Variants in KLRG1 observed in about 807,000 individuals in gnomAD.
The protein encoded by KLRG1 is killer cell lectin like receptor G1.
Under a neutral mutation model 21.8 loss-of-function variants are expected in KLRG1, and 16 were observed. That is an observed-to-expected ratio of 0.73 (90% confidence interval 0.50 to 1.11). The LOEUF (loss-of-function observed/expected upper bound fraction) is 1.11. Ranked by LOEUF, KLRG1 falls within the 50% of genes most tolerant of loss-of-function variation. The probability of loss-of-function intolerance (pLI) is 0.00; values close to 1 mark genes in which losing one functional copy is unlikely to be tolerated. For missense variants in KLRG1, 173 were observed against 218.3 expected, an observed-to-expected ratio of 0.79 and a Z score of 1.31; for synonymous variants, 69 against 75.9, an observed-to-expected ratio of 0.91 and a Z score of 0.47.
chr12:9,110,011 G>T, the KLRG1 span: 1 of 1,612,478 alleles, frequency 6.2e-7, no homozygotes, highest in Middle Eastern at 1.7e-4. Context: ...CTCTGCCATT[G>T]TGCGATGCGA....
intron 4 of KLRG1, 152 bp downstream of exon 4, chr12:9,009,227 T>TG: frequency 1.3e-6 from 1 of 776,798 alleles, no homozygotes; most frequent in East Asian, 2.9e-5. Context: ...GAATGAACAA[T>TG]GGGTAAGGGC....
At chr12:8,970,763 TATCAAATTGAGA>T (rs1162322394) in intron 1 of KLRG1, among the ~76,000 whole-genome samples, 5 of 152,232 alleles carry the variant, frequency 3.3e-5, no homozygotes, top group Admixed American at 6.5e-5. Flanking sequence ...TAGAAGCCAT[TATCAAATTGAGA>T]AAGTTTCCTT....
chr12:9,194,040 T>C, the KLRG1 span: 19 of 1,568,858 alleles, frequency 1.2e-5, no homozygotes, highest in Admixed American at 6.8e-5. Context: ...TTCCTAACAT[T>C]TCCTTTGTCC....
At chr12:9,017,850 T>C in the KLRG1 span, among the ~76,000 whole-genome samples, 1 of 152,226 alleles carries the variant, frequency 6.6e-6, no homozygotes, top group Non-Finnish European at 1.5e-5. Flanking sequence ...TGATGTGATA[T>C]TGTATTTGCA....
At chr12:8,996,023 C>T (rs7958295) in intron 3 of KLRG1, among the ~76,000 whole-genome samples, 240 of 152,192 alleles carry the variant, frequency 1.6e-3, no homozygotes, top group African/African-American at 5.1e-3. Context: ...ATAGAGATCA[C>T]GGGGACAGAG....
the KLRG1 span, among the ~76,000 whole-genome samples, chr12:9,078,369 T>C: frequency 6.6e-6 from 1 of 152,226 alleles, no homozygotes; most frequent in Non-Finnish European, 1.5e-5. Flanking sequence ...AGGACATGAT[T>C]TCATTTCTTT....
At chr12:9,030,094 T>C in the KLRG1 span, among the ~76,000 whole-genome samples, 1 of 152,148 alleles carries the variant, frequency 6.6e-6, no homozygotes, top group Non-Finnish European at 1.5e-5. Context: ...GTTTCACATT[T>C]TGATCTTTAA....
chr12:9,169,791 T>C, the KLRG1 span: 1 of 450,726 alleles, frequency 2.2e-6, no homozygotes, highest in Non-Finnish European at 3.7e-6. Flanking sequence ...CTTGGGAAAA[T>C]GCTTCCAAAG....
chr12:9,149,785 T>C, the KLRG1 span, among the ~76,000 whole-genome samples: 1 of 152,226 alleles, frequency 6.6e-6, no homozygotes, highest in East Asian at 1.9e-4. Context: ...TCCCTGAGAC[T>C]GGAGATGGGG....
chr12:9,186,289 G>A, the KLRG1 span, among the ~76,000 whole-genome samples: 315 of 152,232 alleles, frequency 2.1e-3, no homozygotes, highest in South Asian at 6.0e-3. Context: ...AGAATATTAC[G>A]AGCCACTACA....
the KLRG1 span, chr12:9,202,237 C>A: frequency 3.1e-6 from 4 of 1,279,834 alleles, no homozygotes; most frequent in Non-Finnish European, 4.5e-6. Context: ...CATCCTCTCG[C>A]TTTTCTTGTA....
At chr12:9,190,757 C>T in the KLRG1 span, among the ~76,000 whole-genome samples, 2 of 151,952 alleles carry the variant, frequency 1.3e-5, no homozygotes, top group Non-Finnish European at 2.9e-5. Context: ...TTTAAAATCT[C>T]AATTCTGAAA....
At chr12:8,975,626 C>T (rs947002169) in intron 1 of KLRG1, among the ~76,000 whole-genome samples, 4 of 151,790 alleles carry the variant, frequency 2.6e-5, no homozygotes, top group South Asian at 2.1e-4. Context: ...TGCAGTGGTG[C>T]GGCCATGGCT....
chr12:9,096,124 C>T, the KLRG1 span, among the ~76,000 whole-genome samples: 1,215 of 152,222 alleles, frequency 8.0e-3, 12 homozygotes, highest in African/African-American at 0.011. Flanking sequence ...TTTCTTTGAG[C>T]GCTCTCATTG....
At chr12:9,211,190 T>C in the KLRG1 span, among the ~76,000 whole-genome samples, 2 of 152,108 alleles carry the variant, frequency 1.3e-5, no homozygotes. Context: ...TAAATAAGCT[T>C]TCTGCTCATT....
the KLRG1 span, among the ~76,000 whole-genome samples, chr12:9,026,876 G>A: frequency 6.6e-6 from 1 of 151,760 alleles, no homozygotes; most frequent in Non-Finnish European, 1.5e-5. Flanking sequence ...GTATTTTAGA[G>A]ACAGGTGCTC....
chr12:9,183,107 A>T, the KLRG1 span, among the ~76,000 whole-genome samples: 4 of 152,186 alleles, frequency 2.6e-5, no homozygotes, highest in African/African-American at 7.2e-5. Context: ...AATTGATTTT[A>T]TTTTTTTCTT....
At chr12:9,091,504 A>G in the KLRG1 span, 24 of 1,478,174 alleles carry the variant, frequency 1.6e-5, no homozygotes, top group African/African-American at 2.6e-4. Context: ...ATCCCTAGGA[A>G]TGATTCTACT....
At chr12:8,971,595 A>C (rs1053604630) in intron 1 of KLRG1, among the ~76,000 whole-genome samples, 2 of 135,468 alleles carry the variant, frequency 1.5e-5, no homozygotes, top group Admixed American at 7.4e-5. Context: ...GGTTCAAGCG[A>C]TTCTCCTGCC....
Sources: gnomAD v4.1 joint callset for allele counts (sites outside exome capture counted in the v4.1 genomes callset) on GRCh38, gnomAD v4.1.1 for gene constraint, MANE v1.5 for transcripts, NCBI Gene and HGNC (gene_info 2026-07-23, HGNC 2026-07-21) for gene names.